PCDHGA5: variants seen among roughly 807,000 people sequenced by gnomAD.
The protein encoded by PCDHGA5 is protocadherin gamma subfamily A, 5.
A neutral mutation model predicts 56.7 loss-of-function variants in PCDHGA5; 36 were observed. That is an observed-to-expected ratio of 0.64 (90% CI 0.49 to 0.84). The LOEUF is 0.84. Among genes scored for constraint, PCDHGA5 ranks in the 40% least tolerant of loss-of-function variants. PCDHGA5 has a pLI of 0.00. For synonymous variants in PCDHGA5, 563 were observed against 520.2 expected (o/e 1.08, Z -1.12); for missense variants, 1,305 against 1,201.5 (o/e 1.09, Z -1.27).
Position 141,490,710 on chromosome 5 carries a change from C to G in PCDHGA5, c.2422-4097C>G, listed in dbSNP as rs1158575765. On this transcript the variant is annotated intron_variant, in intron 1 of 3. Coordinates refer to ENST00000518069, the MANE Select transcript of PCDHGA5 (RefSeq NM_018918.3). The surrounding 1 kb of genome is among the most constrained non-coding windows in gnomAD (Gnocchi z 5.4). ...ACACTGGGGATAATGCCCGCCTCAC[C>G]TACTCCATTGTAGGAAATCAGGTTC... 6.2e-7 allele frequency: 1 copy of G among 1,614,208 alleles called. No homozygotes were observed. The highest frequency in any genetic ancestry group is 8.5e-7 in the Non-Finnish European group (1 of 1,180,030).
At chr5:141,457,573 C>T (rs934685938) in intron 1 of PCDHGA5, among the ~76,000 whole-genome samples, 3 of 152,206 alleles carry the variant, frequency 2.0e-5, no homozygotes, top group Non-Finnish European at 4.4e-5. Flanking sequence ...CAAAATTTTT[C>T]TCTCCAGTCC....
intron 1 of PCDHGA5, chr5:141,421,722 G>C: frequency 6.2e-7 from 1 of 1,613,972 alleles, no homozygotes; most frequent in Non-Finnish European, 8.5e-7. Flanking sequence ...ATGTGGGCGT[G>C]AACTCCCTCC....
At chr5:141,412,189 T>C (rs560869081) in intron 1 of PCDHGA5, 21 of 152,370 alleles carry the variant, frequency 1.4e-4, no homozygotes, top group Admixed American at 1.2e-3. Context: ...AATGCTCTGA[T>C]GAAAACAGGT....
chr5:141,432,700 G>A lies in PCDHGA5; in HGVS notation c.2422-62107G>A. On this transcript the variant is annotated intron_variant, in intron 1 of 3. Transcript: ENST00000518069. The surrounding 1 kb of genome is among the most constrained non-coding windows in gnomAD (Gnocchi z 6.0). ...AGCAGAGCCTCGTAGTGGCCGTCCAGGACCACGGCCAGCCCCCTCTCTCCG... is the reference window on the plus strand; with the variant it reads ...AGCAGAGCCTCGTAGTGGCCGTCCAAGACCACGGCCAGCCCCCTCTCTCCG... The A allele has an allele frequency of 6.2e-7, 1 of 1,613,980 alleles. No individual in the cohort carries two copies. The highest frequency in any genetic ancestry group is 8.5e-7 in the Non-Finnish European group (1 of 1,179,978).
intron 1 of PCDHGA5, chr5:141,478,198 A>G (rs1393603398): frequency 6.2e-7 from 1 of 1,613,864 alleles, no homozygotes; most frequent in East Asian, 2.2e-5. Flanking sequence ...CCTTTTATCT[A>G]CTTCTTTCTC....
intron 1 of PCDHGA5, among the ~76,000 whole-genome samples, chr5:141,462,203 G>A (rs544238255): frequency 2.6e-5 from 4 of 152,036 alleles, no homozygotes; most frequent in East Asian, 1.9e-4. Flanking sequence ...CAGGTGATCC[G>A]CCTGCCTCGG....
At chr5:141,394,948 T>C (rs753376472) in intron 1 of PCDHGA5, 1 of 1,613,884 alleles carries the variant, frequency 6.2e-7, no homozygotes, top group Admixed American at 1.7e-5. Context: ...GCTGTGCTTC[T>C]GGGGCTCAGG....
chr5:141,395,096 C>T (rs769366827), intron 1 of PCDHGA5: 4 of 1,614,068 alleles, frequency 2.5e-6, no homozygotes, highest in African/African-American at 2.7e-5. Flanking sequence ...CCCTCACCGC[C>T]GACTCGCGGA....
intron 1 of PCDHGA5, among the ~76,000 whole-genome samples, chr5:141,425,919 G>C (rs11167745): frequency 0.3 from 45,848 of 152,124 alleles, 8,179 homozygotes; most frequent in African/African-American, 0.5. Context: ...CAGTCACTAC[G>C]AAAACTCATA....
chr5:141,384,837 C>T, intron 1 of PCDHGA5: 1 of 1,613,562 alleles, frequency 6.2e-7, no homozygotes, highest in Non-Finnish European at 8.5e-7. Flanking sequence ...TGGTGGCCGT[C>T]CAGGACCACG....
Position 141,432,694 on chromosome 5 carries a change from C to A in PCDHGA5, c.2422-62113C>A. 1 of 1,613,936 alleles carries A rather than the reference C, an allele frequency of 6.2e-7. No homozygotes were observed. The highest frequency in any genetic ancestry group is 8.5e-7 in the Non-Finnish European group (1 of 1,179,964). On this transcript the variant is annotated intron_variant, in intron 1 of 3. Transcript: ENST00000518069. This position sits in a 1 kb window ranked among gnomAD's most constrained non-coding sequence, Gnocchi z 6.0. Reference sequence around the variant, plus strand: ...CGCTCAAGCAGAGCCTCGTAGTGGCCGTCCAGGACCACGGCCAGCCCCCTC... The same window carrying A: ...CGCTCAAGCAGAGCCTCGTAGTGGCAGTCCAGGACCACGGCCAGCCCCCTC...
At chr5:141,404,524 G>A (rs368795324) in intron 1 of PCDHGA5, 2 of 1,613,820 alleles carry the variant, frequency 1.2e-6, no homozygotes, top group African/African-American at 1.3e-5. Context: ...ACTATGAGCA[G>A]TTTAGAGATT....
intron 1 of PCDHGA5, chr5:141,471,546 G>T (rs1271594387): frequency 6.6e-6 from 1 of 152,202 alleles, no homozygotes; most frequent in African/African-American, 2.4e-5. Flanking sequence ...AGCATTTAAG[G>T]TTGCTTTGAC....
chr5:141,383,369 C>G, intron 1 of PCDHGA5: 1 of 1,613,978 alleles, frequency 6.2e-7, no homozygotes, highest in Non-Finnish European at 8.5e-7. Flanking sequence ...TTAAGCGAGG[C>G]TGGGGATCCA....
chr5:141,425,897 A>G (rs893972047), intron 1 of PCDHGA5, among the ~76,000 whole-genome samples: 1 of 152,240 alleles, frequency 6.6e-6, no homozygotes, highest in African/African-American at 2.4e-5. Context: ...TTTGGTAGTA[A>G]ACACTGGAAA....
intron 2 of PCDHGA5, among the ~76,000 whole-genome samples, chr5:141,502,496 C>T (rs934563545): frequency 2.0e-5 from 3 of 152,178 alleles, no homozygotes; most frequent in Admixed American, 6.5e-5. Context: ...ACTCATCTAA[C>T]GTCGGCCTGT....
rs559975786 is a variant in PCDHGA5, at chr5:141,406,591, A to G, written c.2421+39840A>G. Among the ~76,000 whole-genome samples, 5 of 152,282 alleles carry G rather than the reference A, an allele frequency of 3.3e-5. No homozygotes were observed. The East Asian group carries it at 9.6e-4, about 29-fold the overall frequency. On this transcript the variant is annotated intron_variant, in intron 1 of 3. Transcript: ENST00000518069. ...CTAGTAAACCAATTTTTTCCCTTTAATGGTGAAAGTTGTCACATCTTTTAT... is the reference window on the plus strand; with the variant it reads ...CTAGTAAACCAATTTTTTCCCTTTAGTGGTGAAAGTTGTCACATCTTTTAT...
intron 2 of PCDHGA5, among the ~76,000 whole-genome samples, chr5:141,496,592 T>G (rs948403662): frequency 6.6e-6 from 1 of 152,136 alleles, no homozygotes; most frequent in African/African-American, 2.4e-5. Context: ...GCAAAGCGCT[T>G]CTTAGAAGGC....
rs766593056 is a variant in PCDHGA5, at chr5:141,372,812, G to T, written c.2421+6061G>T. On this transcript the variant is annotated intron_variant, in intron 1 of 3. Coordinates refer to ENST00000518069, the MANE Select transcript of PCDHGA5 (RefSeq NM_018918.3). ...CTAATTCAGGCAATTTGCAAAAGGT[G>T]AGTTTCTTCAAACCTTTCCTTCCAT... 67 of 1,584,432 alleles carry T rather than the reference G, an allele frequency of 4.2e-5. No homozygotes were observed. In the Middle Eastern group the frequency reaches 6.7e-4, roughly 16 times the overall value.
Sources: allele counts gnomAD v4.1 joint callset (sites outside exome capture counted in the v4.1 genomes callset), GRCh38; gene constraint gnomAD v4.1.1; non-coding constraint Gnocchi (gnomAD v3.1); transcripts MANE v1.5; gene names NCBI Gene and HGNC (gene_info 2026-07-23, HGNC 2026-07-21).